The following ERBB4 variants were observed in gnomAD, a reference collection of about 807,000 sequenced individuals.
The protein encoded by ERBB4 is erb-b2 receptor tyrosine kinase 4, also known as receptor tyrosine-protein kinase erbB-4.
In ERBB4, 42 loss-of-function variants were observed where a neutral mutation model predicts 158.0. The observed-to-expected ratio is 0.27, with a 90% CI of 0.21 to 0.34. The LOEUF (loss-of-function observed/expected upper bound fraction) is 0.34, where lower values mean the gene tolerates loss of function less well. ERBB4 is among the 10% of genes least tolerant of loss of function. The probability of loss-of-function intolerance (pLI) is 1.00; values close to 1 mark genes in which losing one functional copy is unlikely to be tolerated. For synonymous variants in ERBB4, 583 were observed against 558.7 expected, an observed-to-expected ratio of 1.04 and a Z score of -0.61; for missense variants, 1,333 against 1,624.1, an observed-to-expected ratio of 0.82 and a Z score of 3.08.
intron 16 of ERBB4, among the ~76,000 whole-genome samples, chr2:211,631,713 T>A (rs997752781): frequency 1.3e-5 from 2 of 152,116 alleles, no homozygotes; most frequent in Non-Finnish European, 2.9e-5. Flanking sequence ...ATGAATTTTG[T>A]ATACCATAGG....
At chr2:212,318,514 TAGAA>T (rs1161363899) in intron 1 of ERBB4, among the ~76,000 whole-genome samples, 16 of 139,882 alleles carry the variant, frequency 1.1e-4, no homozygotes, top group African/African-American at 3.3e-4. Flanking sequence ...TTAGTCTCTA[TAGAA>T]AGAGAGAGAA....
intron 1 of ERBB4, among the ~76,000 whole-genome samples, chr2:212,381,747 T>C (rs1049343923): frequency 1.3e-5 from 2 of 151,304 alleles, no homozygotes; most frequent in Admixed American, 1.3e-4. Context: ...CAAAAATAAA[T>C]TTATTCATAA....
chr2:212,265,710 A>G (rs1228649133), intron 1 of ERBB4, among the ~76,000 whole-genome samples: 2 of 152,096 alleles, frequency 1.3e-5, no homozygotes, highest in African/African-American at 2.4e-5. Context: ...TTTGCAAAAT[A>G]TACTCCATGA....
chr2:212,088,522 G>A (rs1477405569), intron 2 of ERBB4, among the ~76,000 whole-genome samples: 1 of 152,116 alleles, frequency 6.6e-6, no homozygotes, highest in Non-Finnish European at 1.5e-5. Flanking sequence ...TCCTGCACGT[G>A]TCACAGAACC....
In ERBB4 at chr2:211,953,884, A is replaced by G. The variant is rs190688404; in HGVS notation, c.235-6268T>C. On this transcript the variant is annotated intron_variant, in intron 2 of 27. Transcript: ENST00000342788. ...AAATCATGATTTTTTAAAAATGACA[A>G]CAAATTTTATAAGCATTTCTCCTGC... Among the ~76,000 whole-genome samples, 3 of 152,174 alleles carry G rather than the reference A, an allele frequency of 2.0e-5. No homozygotes were observed. The East Asian group carries it at 5.8e-4, about 29-fold the overall frequency.
rs1256661799 is a variant in ERBB4, at chr2:211,383,259, AAG to A, written c.*354_*355del. On this transcript the variant is annotated 3_prime_UTR_variant, in exon 28 of 28. Transcript: ENST00000342788. ...ATCTGCTTTAAAAAAAAAAAAAAAA[AAG>A]AAGAGGAAGAAAGAAACAAAGAAAG... The A allele has an allele frequency of 6.8e-6, 2 of 294,966 alleles. No homozygotes were observed. The highest frequency in any genetic ancestry group is 1.3e-5 in the Non-Finnish European group (2 of 155,308). The allele number at this position is 294,966 out of a possible 1,614,324, so 18.3% of individuals were successfully genotyped here.
intron 3 of ERBB4, among the ~76,000 whole-genome samples, chr2:211,891,733 C>T (rs1369594060): frequency 2.1e-4 from 29 of 138,430 alleles, no homozygotes; most frequent in African/African-American, 6.1e-4. Context: ...ATATCACCAC[C>T]GATCCCACAG....
At chr2:212,140,547 G>C (rs112783907) in intron 1 of ERBB4, among the ~76,000 whole-genome samples, 6,479 of 148,748 alleles carry the variant, frequency 0.044, 484 homozygotes, top group African/African-American at 0.15. Flanking sequence ...TTTAGGAAAG[G>C]GTAAACAGAC....
At chr2:211,607,836 C>A (rs2069041828) in intron 19 of ERBB4, among the ~76,000 whole-genome samples, 1 of 147,726 alleles carries the variant, frequency 6.8e-6, no homozygotes. Context: ...AACATTTATG[C>A]AATATTTATA....
intron 2 of ERBB4, among the ~76,000 whole-genome samples, chr2:212,042,161 G>T (rs562531384): frequency 2.6e-5 from 4 of 152,126 alleles, no homozygotes; most frequent in African/African-American, 7.2e-5. Context: ...TGCTCAAATT[G>T]GTGATAGTTG....
intron 1 of ERBB4, among the ~76,000 whole-genome samples, chr2:212,327,993 C>T (rs1015167328): frequency 6.8e-6 from 1 of 146,602 alleles, no homozygotes; most frequent in African/African-American, 2.5e-5. Context: ...TTCCAGTTAA[C>T]AAATGACCCT....
intron 1 of ERBB4, among the ~76,000 whole-genome samples, chr2:212,368,999 T>A (rs1346239907): frequency 6.6e-6 from 1 of 152,110 alleles, no homozygotes; most frequent in Admixed American, 6.6e-5. Context: ...GAATCTACCT[T>A]GTAACACTAT....
intron 20 of ERBB4, among the ~76,000 whole-genome samples, chr2:211,524,674 CGGG>C (rs1219294396): frequency 7.4e-6 from 1 of 135,234 alleles, no homozygotes; most frequent in African/African-American, 3.3e-5. Flanking sequence ...GCTCCGAGTG[CGGG>C]GCCGCCAAGC....
chr2:211,473,667 T>A (rs530069401), intron 20 of ERBB4, among the ~76,000 whole-genome samples: 56 of 152,104 alleles, frequency 3.7e-4, no homozygotes, highest in African/African-American at 1.3e-3. Context: ...CTCATCACCC[T>A]GAGGGAACCA....
At chr2:211,953,030 G>A (rs1398834401) in intron 2 of ERBB4, among the ~76,000 whole-genome samples, 1 of 151,894 alleles carries the variant, frequency 6.6e-6, no homozygotes, top group Non-Finnish European at 1.5e-5. Flanking sequence ...TGTATATTAT[G>A]GCCCTAAATA....
intron 19 of ERBB4, among the ~76,000 whole-genome samples, chr2:211,606,088 A>C (rs2125823211): frequency 6.6e-6 from 1 of 152,246 alleles, no homozygotes; most frequent in Non-Finnish European, 1.5e-5. Context: ...GATGATGGTA[A>C]ATTTCTCTGT....
intron 2 of ERBB4, among the ~76,000 whole-genome samples, chr2:212,110,027 T>G (rs1157048596): frequency 6.6e-6 from 1 of 152,180 alleles, no homozygotes; most frequent in Non-Finnish European, 1.5e-5. Context: ...TTTCTGTGCC[T>G]CGTTGCCCTC....
intron 1 of ERBB4, among the ~76,000 whole-genome samples, chr2:212,314,489 G>A (rs946951080): frequency 6.7e-6 from 1 of 150,120 alleles, no homozygotes; most frequent in Non-Finnish European, 1.5e-5. Context: ...AAAAAAATTA[G>A]TTATTTGGTT....
At chr2:212,508,303 T>C (rs941531752) in intron 1 of ERBB4, among the ~76,000 whole-genome samples, 2 of 152,140 alleles carry the variant, frequency 1.3e-5, no homozygotes, top group Admixed American at 1.3e-4. Flanking sequence ...ATCTGCAATA[T>C]CTCTTAGGTA....
Sources: gnomAD v4.1 joint callset for allele counts (sites outside exome capture counted in the v4.1 genomes callset) on GRCh38, gnomAD v4.1.1 for gene constraint, MANE v1.5 for transcripts, NCBI Gene and HGNC (gene_info 2026-07-23, HGNC 2026-07-21) for gene names.